Variants in CCSER1 observed in about 807,000 individuals in gnomAD.
CCSER1 encodes the protein coiled-coil serine rich protein 1.
CCSER1 carries 41 observed loss-of-function variants against 82.0 expected under a neutral mutation model. The ratio of observed to expected loss-of-function variants is 0.50; its 90% CI spans 0.39 to 0.65. CCSER1 has a LOEUF of 0.65. Ranked by LOEUF, CCSER1 falls within the 30% of genes least tolerant of loss-of-function variation. CCSER1 has a pLI of 0.00. For synonymous variants in CCSER1, 414 were observed against 383.9 expected, an observed-to-expected ratio of 1.08 and a Z score of -0.92; for missense variants, 1,119 against 1,064.2, an observed-to-expected ratio of 1.05 and a Z score of -0.72.
chr4:90,870,455 G>A (rs1766329523), intron 8 of CCSER1, among the ~76,000 whole-genome samples: 3 of 151,544 alleles, frequency 2.0e-5, no homozygotes, highest in South Asian at 2.1e-4. Context: ...AAATGATCAC[G>A]ATTTTGTCCT....
At chr4:91,132,057 C>T (rs1282002534) in intron 10 of CCSER1, among the ~76,000 whole-genome samples, 2 of 151,904 alleles carry the variant, frequency 1.3e-5, no homozygotes, top group African/African-American at 4.8e-5. Context: ...TTTAGAATAA[C>T]AAAACAACTC....
chr4:91,081,508 A>G (rs1722738380), intron 9 of CCSER1, among the ~76,000 whole-genome samples: 1 of 152,184 alleles, frequency 6.6e-6, no homozygotes. Context: ...GGCACAAAAC[A>G]GGGATGCCCT....
intron 9 of CCSER1, among the ~76,000 whole-genome samples, chr4:90,981,922 A>T (rs1270438953): frequency 1.3e-5 from 2 of 151,834 alleles, no homozygotes; most frequent in African/African-American, 4.8e-5. Context: ...GAGTAGCTAC[A>T]TTTGAGCTCA....
At chr4:91,426,995 T>C (rs1262418431) in intron 10 of CCSER1, among the ~76,000 whole-genome samples, 1 of 152,138 alleles carries the variant, frequency 6.6e-6, no homozygotes, top group African/African-American at 2.4e-5. Context: ...GGGCACAGTA[T>C]AGTAAGGTGA....
chr4:90,742,704 A>T (rs1003893870), intron 7 of CCSER1, among the ~76,000 whole-genome samples: 1 of 152,190 alleles, frequency 6.6e-6, no homozygotes, highest in Non-Finnish European at 1.5e-5. Flanking sequence ...AAGGAATTAA[A>T]TGCAATTAAT....
intron 4 of CCSER1, among the ~76,000 whole-genome samples, chr4:90,411,608 G>A (rs1754823197): frequency 6.6e-6 from 1 of 152,192 alleles, no homozygotes; most frequent in Admixed American, 6.5e-5. Flanking sequence ...ATTAGGTATT[G>A]ATGGGATGTA....
intron 10 of CCSER1, among the ~76,000 whole-genome samples, chr4:91,271,727 A>G (rs1260811346): frequency 1.3e-5 from 2 of 151,846 alleles, no homozygotes; most frequent in Non-Finnish European, 2.9e-5. Context: ...ACACATATAC[A>G]TATGATACAC....
At chr4:90,701,201 T>C (rs571178773) in intron 6 of CCSER1, among the ~76,000 whole-genome samples, 12 of 152,370 alleles carry the variant, frequency 7.9e-5, no homozygotes, top group African/African-American at 2.9e-4. Context: ...TTTCTACATA[T>C]GGCTAGCCAG....
intron 6 of CCSER1, among the ~76,000 whole-genome samples, chr4:90,675,115 C>T (rs1393678345): frequency 6.6e-6 from 1 of 151,928 alleles, no homozygotes; most frequent in Admixed American, 6.6e-5. Context: ...TCATTTTCGT[C>T]ATTGATGAAT....
intron 6 of CCSER1, among the ~76,000 whole-genome samples, chr4:90,719,458 A>G (rs1294886557): frequency 6.6e-6 from 1 of 152,146 alleles, no homozygotes; most frequent in Non-Finnish European, 1.5e-5. Context: ...AATCATCCCT[A>G]AATCATCCCC....
chr4:91,133,421 G>A (rs183727359), intron 10 of CCSER1, among the ~76,000 whole-genome samples: 111 of 152,208 alleles, frequency 7.3e-4, no homozygotes, highest in African/African-American at 1.2e-3. Context: ...GGAAGTCAGC[G>A]AATGAGTAAA....
At chr4:90,650,850 G>A (rs953793215) in intron 6 of CCSER1, among the ~76,000 whole-genome samples, 2 of 152,058 alleles carry the variant, frequency 1.3e-5, no homozygotes, top group African/African-American at 4.8e-5. Flanking sequence ...CAATGCTCTA[G>A]TCTAAAATTG....
At chr4:90,453,641 A>C (rs1761785605) in intron 4 of CCSER1, among the ~76,000 whole-genome samples, 1 of 152,162 alleles carries the variant, frequency 6.6e-6, no homozygotes, top group Non-Finnish European at 1.5e-5. Context: ...GGAGCCATAA[A>C]GATAGTGGTT....
chr4:91,415,622 G>A (rs191169029), intron 10 of CCSER1, among the ~76,000 whole-genome samples: 39 of 152,166 alleles, frequency 2.6e-4, no homozygotes, highest in African/African-American at 7.2e-4. Context: ...ACCATGAAGC[G>A]ATGTTGAATA....
At chr4:91,432,005 G>C (rs1754355253) in intron 10 of CCSER1, among the ~76,000 whole-genome samples, 1 of 151,646 alleles carries the variant, frequency 6.6e-6, no homozygotes, top group Non-Finnish European at 1.5e-5. Flanking sequence ...TCGAGGGAGG[G>C]ACCTGGTGGG....
intron 10 of CCSER1, among the ~76,000 whole-genome samples, chr4:91,217,536 G>GA (rs1581788286): frequency 6.6e-6 from 1 of 151,940 alleles, no homozygotes; most frequent in East Asian, 1.9e-4. Context: ...CCTTGAGCTA[G>GA]ATACAGAGTG....
intron 8 of CCSER1, among the ~76,000 whole-genome samples, chr4:90,827,899 A>G (rs1311806207): frequency 6.6e-6 from 1 of 151,042 alleles, no homozygotes; most frequent in Non-Finnish European, 1.5e-5. Flanking sequence ...TATCATTCTT[A>G]TATACCCTGG....
chr4:90,146,692 A>G (rs904821614), intron 1 of CCSER1, among the ~76,000 whole-genome samples: 1 of 152,128 alleles, frequency 6.6e-6, no homozygotes, highest in Admixed American at 6.5e-5. Flanking sequence ...TTCATAAAAT[A>G]CCTTAATAAT....
At chr4:91,375,869 T>C (rs12502031) in intron 10 of CCSER1, among the ~76,000 whole-genome samples, 16,483 of 152,138 alleles carry the variant, frequency 0.11, 1,066 homozygotes, top group Middle Eastern at 0.18. Flanking sequence ...TAGTATTTGA[T>C]AAAATATTGC....
Sources: allele counts gnomAD v4.1 joint callset (sites outside exome capture counted in the v4.1 genomes callset), GRCh38; gene constraint gnomAD v4.1.1; transcripts MANE v1.5; gene names NCBI Gene and HGNC (gene_info 2026-07-23, HGNC 2026-07-21).